Variants in WWOX observed in about 807,000 individuals in gnomAD.
The protein encoded by WWOX is WW domain-containing oxidoreductase.
A neutral mutation model predicts 46.2 loss-of-function variants in WWOX; 69 were observed. The observed-to-expected ratio is 1.49, with a 90% CI of 1.23 to 1.82. The LOEUF (loss-of-function observed/expected upper bound fraction) is 1.82, where lower values mean the gene tolerates loss of function less well. Among genes scored for constraint, WWOX ranks in the 40% most tolerant of loss-of-function variants. WWOX has a pLI of 0.00. For missense variants in WWOX, 919 were observed against 542.6 expected, an observed-to-expected ratio of 1.69 and a Z score of -6.89; for synonymous variants, 359 against 202.6, an observed-to-expected ratio of 1.77 and a Z score of -6.56.
chr16:78,667,261 A>G (rs1036771420), intron 8 of WWOX, among the ~76,000 whole-genome samples: 1 of 152,224 alleles, frequency 6.6e-6, no homozygotes, highest in African/African-American at 2.4e-5. Context: ...TCTTTCTAGA[A>G]GCAGAGCTGT....
At chr16:78,887,825 C>G (rs1457347525) in intron 8 of WWOX, among the ~76,000 whole-genome samples, 3 of 152,186 alleles carry the variant, frequency 2.0e-5, no homozygotes, top group East Asian at 1.9e-4. Context: ...GAGCTTAGGA[C>G]TCTGTCTCTT....
At chr16:78,533,951 A>G (rs915774775) in intron 8 of WWOX, among the ~76,000 whole-genome samples, 3 of 152,226 alleles carry the variant, frequency 2.0e-5, no homozygotes, top group African/African-American at 7.2e-5. Context: ...GATACAGAGT[A>G]GTAACCCTAC....
chr16:79,165,561 G>C (rs1019014877), intron 8 of WWOX, among the ~76,000 whole-genome samples: 1 of 152,126 alleles, frequency 6.6e-6, no homozygotes, highest in African/African-American at 2.4e-5. Context: ...GTTTCAGCTG[G>C]GGTGCAGTTG....
intron 8 of WWOX, among the ~76,000 whole-genome samples, chr16:78,533,757 A>G (rs900153184): frequency 3.9e-5 from 6 of 152,126 alleles, no homozygotes; most frequent in Non-Finnish European, 4.4e-5. Context: ...CCTTCCCTGG[A>G]TGTTGAGGGA....
At chr16:78,630,445 T>G (rs1371311423) in intron 8 of WWOX, among the ~76,000 whole-genome samples, 1 of 152,220 alleles carries the variant, frequency 6.6e-6, no homozygotes, top group Admixed American at 6.5e-5. Flanking sequence ...TTTTGTTATA[T>G]GCTACAGAGA....
At chr16:78,717,723 G>A (rs539491487) in intron 8 of WWOX, among the ~76,000 whole-genome samples, 3 of 152,144 alleles carry the variant, frequency 2.0e-5, no homozygotes, top group Non-Finnish European at 2.9e-5. Flanking sequence ...CTCCAATGCC[G>A]GCTTCCTTTG....
At chr16:78,127,996 A>G (rs542678926) in intron 4 of WWOX, among the ~76,000 whole-genome samples, 1 of 152,312 alleles carries the variant, frequency 6.6e-6, no homozygotes, top group African/African-American at 2.4e-5. Context: ...TTTTGTACAG[A>G]TCAAGTAAAA....
chr16:78,940,273 C>T (rs975362970), intron 8 of WWOX, among the ~76,000 whole-genome samples: 5 of 152,060 alleles, frequency 3.3e-5, no homozygotes, highest in African/African-American at 1.2e-4. Context: ...ATTAAATAAC[C>T]TCTGTGGTAT....
Position 78,509,438 on chromosome 16 carries a change from CAA to C in WWOX, c.1056+76698_1056+76699del, listed in dbSNP as rs58555890. Among the ~76,000 whole-genome samples, 435 of 145,764 alleles carry C rather than the reference CAA, an allele frequency of 3.0e-3. 4 individuals carry two copies. Among genetic ancestry groups the C allele is most frequent in the African/African-American group, 5.3e-3 (208 of 39,240 alleles). ...TTGGTGACAGAGCGAGACTCAGTCT[CAA>C]AAAAAAAAAAATAATATAATAATAA... On this transcript the variant is annotated intron_variant, in intron 8 of 8. Coordinates refer to ENST00000566780, the MANE Select transcript of WWOX (RefSeq NM_016373.4).
rs145544224 is a variant in WWOX, at chr16:78,406,873, G to A, written c.606-17997G>A. Among the ~76,000 whole-genome samples the A allele has an allele frequency of 8.5e-5, 13 of 152,260 alleles. 1 individual carries two copies. The highest frequency in any genetic ancestry group is 2.9e-4 in the African/African-American group (12 of 41,576). ...ACTCATGACCTCAAGTGATCCGCCC[G>A]CTTCAGCCTCCCAAAGTGCTGGGAT... On this transcript the variant is annotated intron_variant, in intron 6 of 8. Transcript: ENST00000566780.
intron 8 of WWOX, among the ~76,000 whole-genome samples, chr16:78,627,330 C>G (rs1180625740): frequency 1.3e-5 from 2 of 152,178 alleles, no homozygotes; most frequent in African/African-American, 4.8e-5. Context: ...TCACAAACTA[C>G]TCAGTATGGA....
chr16:78,650,913 A>C lies in WWOX; in HGVS notation c.1056+218161A>C, dbSNP rs75725344. Among the ~76,000 whole-genome samples the C allele has an allele frequency of 1.1e-3, 163 of 152,338 alleles. 2 individuals carry two copies. In the East Asian group the frequency reaches 0.023, roughly 22 times the overall value. ...TCTTCCATTGGAAATGGAATAGAGA[A>C]AAGGTGGCTTGGCTGTTTGGTTTAT... On this transcript the variant is annotated intron_variant, in intron 8 of 8. Transcript: ENST00000566780.
At chr16:78,785,261 G>A (rs551417581) in intron 8 of WWOX, among the ~76,000 whole-genome samples, 4 of 152,136 alleles carry the variant, frequency 2.6e-5, no homozygotes, top group South Asian at 2.1e-4. Context: ...TCCCACCTTC[G>A]ATGGGCAGGT....
chr16:78,622,576 T>A (rs1420275961), intron 8 of WWOX, among the ~76,000 whole-genome samples: 1 of 151,206 alleles, frequency 6.6e-6, no homozygotes, highest in African/African-American at 2.4e-5. Flanking sequence ...TGTAGTTTCT[T>A]CCTCTGTTTG....
chr16:79,027,489 A>C (rs1419846548), intron 8 of WWOX, among the ~76,000 whole-genome samples: 4 of 151,764 alleles, frequency 2.6e-5, no homozygotes, highest in African/African-American at 9.7e-5. Context: ...CAACTGAATA[A>C]GAACTAATGA....
At chr16:78,625,059 C>G (rs529185505) in intron 8 of WWOX, among the ~76,000 whole-genome samples, 2 of 152,180 alleles carry the variant, frequency 1.3e-5, no homozygotes, top group East Asian at 1.9e-4. Flanking sequence ...CCCTGGCACT[C>G]GTTTGATTTG....
At chr16:78,738,767 G>C (rs962356298) in intron 8 of WWOX, among the ~76,000 whole-genome samples, 2 of 152,128 alleles carry the variant, frequency 1.3e-5, no homozygotes, top group East Asian at 1.9e-4. Context: ...GGTTAGACCA[G>C]GGCTGTGCAA....
intron 8 of WWOX, among the ~76,000 whole-genome samples, chr16:79,029,255 T>C (rs1433023493): frequency 6.6e-6 from 1 of 152,154 alleles, no homozygotes; most frequent in African/African-American, 2.4e-5. Context: ...TCCACGTCTT[T>C]GAGTTTTCAC....
chr16:78,479,776 C>A (rs963385942), intron 8 of WWOX, among the ~76,000 whole-genome samples: 1 of 152,170 alleles, frequency 6.6e-6, no homozygotes, highest in Admixed American at 6.5e-5. Flanking sequence ...AGGCAGGATT[C>A]ATGGAGTTTT....
Sources: gnomAD v4.1 joint callset for allele counts (sites outside exome capture counted in the v4.1 genomes callset) on GRCh38, gnomAD v4.1.1 for gene constraint, MANE v1.5 for transcripts, NCBI Gene and HGNC (gene_info 2026-07-23, HGNC 2026-07-21) for gene names.